The following PCCA variants were observed in gnomAD, a reference collection of about 807,000 sequenced individuals.
The protein encoded by PCCA is propionyl-CoA carboxylase alpha chain, mitochondrial.
In PCCA, 74 loss-of-function variants were observed where a neutral mutation model predicts 101.3. The ratio of observed to expected loss-of-function variants is 0.73; its 90% CI spans 0.61 to 0.89. The LOEUF is 0.89. PCCA is among the 40% of genes least tolerant of loss of function. The pLI is 0.00. For missense variants in PCCA, 891 were observed against 907.0 expected, an observed-to-expected ratio of 0.98 and a Z score of 0.23; for synonymous variants, 294 against 313.6, an observed-to-expected ratio of 0.94 and a Z score of 0.66.
chr13:100,483,187 C>A (rs151180117), intron 21 of PCCA, among the ~76,000 whole-genome samples: 1 of 151,848 alleles, frequency 6.6e-6, no homozygotes, highest in Non-Finnish European at 1.5e-5. Flanking sequence ...AAAAGTACAA[C>A]TTGCTTTATG....
chr13:100,292,621 A>G (rs928203932), intron 12 of PCCA, among the ~76,000 whole-genome samples: 5 of 152,164 alleles, frequency 3.3e-5, no homozygotes, highest in African/African-American at 7.2e-5. Flanking sequence ...TGCTATTACT[A>G]TTGTCATTAA....
intron 4 of PCCA, among the ~76,000 whole-genome samples, chr13:100,136,114 T>G (rs2051130048): frequency 6.6e-6 from 1 of 152,008 alleles, no homozygotes; most frequent in South Asian, 2.1e-4. Flanking sequence ...GTCTTTGGTA[T>G]TAGCATAATG....
At chr13:100,149,294 TGTG>T (rs996145056) in intron 4 of PCCA, 13 of 152,078 alleles carry the variant, frequency 8.5e-5, no homozygotes, top group Admixed American at 3.3e-4. Flanking sequence ...TTTTTTAAAT[TGTG>T]GTAAAATGCT....
At chr13:100,155,877 A>G (rs1390827264) in intron 5 of PCCA, among the ~76,000 whole-genome samples, 1 of 152,216 alleles carries the variant, frequency 6.6e-6, no homozygotes, top group Non-Finnish European at 1.5e-5. Context: ...GTGAACCCAT[A>G]TTATAGATGT....
intron 7 of PCCA, among the ~76,000 whole-genome samples, chr13:100,222,111 G>A (rs1379369015): frequency 1.3e-5 from 2 of 151,674 alleles, no homozygotes; most frequent in Non-Finnish European, 2.9e-5. Flanking sequence ...GCACAATCTG[G>A]ACTCACTCCA....
At chr13:100,235,797 A>G (rs754273991) in intron 7 of PCCA, 45 bp from the exon 8 acceptor site, 105 of 1,411,546 alleles carry the variant, frequency 7.4e-5, no homozygotes, top group Non-Finnish European at 8.9e-5. Flanking sequence ...ACATTGTGCA[A>G]TGCCTCATGG....
intron 21 of PCCA, among the ~76,000 whole-genome samples, chr13:100,502,107 G>A (rs1170787343): frequency 6.6e-6 from 1 of 152,156 alleles, no homozygotes; most frequent in African/African-American, 2.4e-5. Flanking sequence ...TCACACTACA[G>A]TTAGGAGGTG....
intron 16 of PCCA, among the ~76,000 whole-genome samples, chr13:100,327,474 T>C (rs371722154): frequency 3.9e-5 from 6 of 152,380 alleles, no homozygotes; most frequent in African/African-American, 1.4e-4. Flanking sequence ...CATTTGCCTC[T>C]TAATGGAGAT....
At chr13:100,387,450 C>T (rs1002826482) in intron 19 of PCCA, among the ~76,000 whole-genome samples, 2 of 152,198 alleles carry the variant, frequency 1.3e-5, no homozygotes, top group Non-Finnish European at 1.5e-5. Context: ...TAATTTCACT[C>T]GTCCTAAGAC....
At chr13:100,300,108 T>C (rs1023086422) in intron 12 of PCCA, among the ~76,000 whole-genome samples, 8 of 152,256 alleles carry the variant, frequency 5.3e-5, no homozygotes, top group Non-Finnish European at 4.4e-5. Flanking sequence ...ACTTTCTTAT[T>C]GTATTTATCT....
At chr13:100,463,336 G>GTTTT (rs574359198) in intron 21 of PCCA, among the ~76,000 whole-genome samples, 7 of 114,328 alleles carry the variant, frequency 6.1e-5, no homozygotes, top group African/African-American at 1.0e-4. Flanking sequence ...TATTGGTGTG[G>GTTTT]TTTTTTTTTT....
intron 20 of PCCA, among the ~76,000 whole-genome samples, chr13:100,438,915 C>T (rs1305959879): frequency 1.3e-5 from 2 of 152,164 alleles, no homozygotes; most frequent in African/African-American, 2.4e-5. Context: ...ACAACATAGA[C>T]ATTGGCATTA....
intron 7 of PCCA, among the ~76,000 whole-genome samples, chr13:100,223,998 C>T (rs2059979054): frequency 6.6e-6 from 1 of 152,272 alleles, no homozygotes; most frequent in Non-Finnish European, 1.5e-5. Context: ...CCAGTGGATC[C>T]CGCACCGGGG....
chr13:100,263,380 G>T (rs1316802889), intron 10 of PCCA, among the ~76,000 whole-genome samples: 1 of 152,102 alleles, frequency 6.6e-6, no homozygotes, highest in Admixed American at 6.6e-5. Context: ...GAATTGATAT[G>T]TAATAGCTAA....
intron 4 of PCCA, among the ~76,000 whole-genome samples, chr13:100,138,191 T>A (rs1411515539): frequency 6.6e-6 from 1 of 152,228 alleles, no homozygotes. Context: ...TCTTTGTGTC[T>A]TCTTTTGCAT....
chr13:100,523,190 G>A (rs1251491365), intron 22 of PCCA, among the ~76,000 whole-genome samples: 1 of 152,160 alleles, frequency 6.6e-6, no homozygotes, highest in Admixed American at 6.5e-5. Flanking sequence ...TTTGTGGAAG[G>A]AGTGAAGAGA....
chr13:100,300,306 A>G (rs533003786), intron 12 of PCCA, among the ~76,000 whole-genome samples: 4 of 152,352 alleles, frequency 2.6e-5, no homozygotes, highest in Admixed American at 6.5e-5. Context: ...CTCAACACGC[A>G]CAAAGCTAAT....
At chr13:100,370,720 A>G (rs2075524915) in intron 19 of PCCA, among the ~76,000 whole-genome samples, 1 of 152,204 alleles carries the variant, frequency 6.6e-6, no homozygotes, top group African/African-American at 2.4e-5. Flanking sequence ...AGTATTATGA[A>G]AGGAGGCAGG....
chr13:100,509,383 CAT>C (rs928854115), intron 21 of PCCA, among the ~76,000 whole-genome samples: 15 of 152,186 alleles, frequency 9.9e-5, no homozygotes, highest in African/African-American at 3.6e-4. Context: ...ACTCAGGACA[CAT>C]GTACTTGATG....
Sources: allele counts gnomAD v4.1 joint callset (sites outside exome capture counted in the v4.1 genomes callset), GRCh38; gene constraint gnomAD v4.1.1; transcripts MANE v1.5; gene names NCBI Gene and HGNC (gene_info 2026-07-23, HGNC 2026-07-21).